CADM2: variants seen among roughly 807,000 people sequenced by gnomAD.
CADM2 encodes cell adhesion molecule 2.
A neutral mutation model predicts 49.8 loss-of-function variants in CADM2; 12 were observed. That is an observed-to-expected ratio of 0.24 (90% CI 0.15 to 0.39). The LOEUF is 0.39. Ranked by LOEUF, CADM2 falls within the 10% of genes least tolerant of loss-of-function variation. The pLI is 1.00. For missense variants in CADM2, 378 were observed against 492.3 expected (o/e 0.77, Z 2.20); for synonymous variants, 214 against 175.4 (o/e 1.22, Z -1.74).
At chr3:85,572,224 G>T (rs949520627) in intron 1 of CADM2, among the ~76,000 whole-genome samples, 9 of 152,164 alleles carry the variant, frequency 5.9e-5, no homozygotes, top group African/African-American at 2.2e-4. Flanking sequence ...TTGAACCCAG[G>T]AGGCGGAGGT....
At chr3:85,554,908 GTC>G (rs1432635626) in intron 1 of CADM2, among the ~76,000 whole-genome samples, 1 of 143,606 alleles carries the variant, frequency 7.0e-6, no homozygotes, top group Non-Finnish European at 1.5e-5. Context: ...TGCAGACTGT[GTC>G]TCACTTTGTT....
intron 1 of CADM2, among the ~76,000 whole-genome samples, chr3:85,191,381 G>A (rs191457941): frequency 1.5e-4 from 23 of 151,986 alleles, no homozygotes; most frequent in East Asian, 3.9e-4. Flanking sequence ...TGTAGGAAAC[G>A]TTTATTAACA....
At chr3:85,959,982 G>T (rs1015574012) in intron 7 of CADM2, among the ~76,000 whole-genome samples, 2 of 151,842 alleles carry the variant, frequency 1.3e-5, no homozygotes, top group Non-Finnish European at 2.9e-5. Context: ...ACTCTTGCAA[G>T]GGTAAGAAGC....
At chr3:85,686,291 T>G (rs1487004454) in intron 1 of CADM2, among the ~76,000 whole-genome samples, 2 of 152,220 alleles carry the variant, frequency 1.3e-5, no homozygotes, top group Admixed American at 6.5e-5. Context: ...CCTGTCAACA[T>G]TAATCATGTA....
chr3:84,991,482 A>C (rs1345505679), intron 1 of CADM2, among the ~76,000 whole-genome samples: 2 of 152,190 alleles, frequency 1.3e-5, no homozygotes, highest in African/African-American at 4.8e-5. Context: ...TTGATAAACA[A>C]AATCAATAAC....
At chr3:84,994,924 G>A (rs2033095037) in intron 1 of CADM2, among the ~76,000 whole-genome samples, 1 of 152,010 alleles carries the variant, frequency 6.6e-6, no homozygotes, top group African/African-American at 2.4e-5. Flanking sequence ...CTACTTGGGA[G>A]GCTGAGGCAG....
intron 1 of CADM2, among the ~76,000 whole-genome samples, chr3:85,426,752 T>G (rs1469618902): frequency 6.6e-6 from 1 of 152,146 alleles, no homozygotes; most frequent in Admixed American, 6.6e-5. Flanking sequence ...AAAATTTCCA[T>G]ATGTTTCTGT....
intron 3 of CADM2, among the ~76,000 whole-genome samples, chr3:85,850,844 C>T (rs527770538): frequency 1.3e-5 from 2 of 152,056 alleles, no homozygotes; most frequent in African/African-American, 2.4e-5. Flanking sequence ...ATGTTTTGTG[C>T]GTGGTTGGTT....
intron 1 of CADM2, among the ~76,000 whole-genome samples, chr3:85,695,210 G>A (rs945392465): frequency 6.6e-6 from 1 of 152,026 alleles, no homozygotes; most frequent in African/African-American, 2.4e-5. Flanking sequence ...TATCTTTAGG[G>A]ATACAAGTGG....
At chr3:85,274,247 C>T (rs1453904586) in intron 1 of CADM2, among the ~76,000 whole-genome samples, 1 of 151,136 alleles carries the variant, frequency 6.6e-6, no homozygotes, top group Admixed American at 6.6e-5. Context: ...TAATATTTGG[C>T]TAGTGAGGTG....
At chr3:85,219,892 T>A (rs1008457527) in intron 1 of CADM2, among the ~76,000 whole-genome samples, 2 of 152,106 alleles carry the variant, frequency 1.3e-5, no homozygotes, top group Non-Finnish European at 2.9e-5. Context: ...TGCATACAAT[T>A]TGAGGCACAT....
chr3:85,376,907 A>G (rs2033624141), intron 1 of CADM2, among the ~76,000 whole-genome samples: 1 of 152,142 alleles, frequency 6.6e-6, no homozygotes, highest in African/African-American at 2.4e-5. Flanking sequence ...TGTGTTTTAA[A>G]TATCATGGAT....
intron 3 of CADM2, among the ~76,000 whole-genome samples, chr3:85,879,962 G>T (rs748801246): frequency 6.6e-6 from 1 of 152,128 alleles, no homozygotes; most frequent in Non-Finnish European, 1.5e-5. Context: ...GAACCACAGG[G>T]ATTCCTTCTT....
intron 1 of CADM2, among the ~76,000 whole-genome samples, chr3:85,121,765 C>T (rs545027638): frequency 6.6e-6 from 1 of 152,164 alleles, no homozygotes; most frequent in Non-Finnish European, 1.5e-5. Flanking sequence ...TCCCTAACTA[C>T]AGTAGTCATT....
intron 1 of CADM2, among the ~76,000 whole-genome samples, chr3:85,091,117 C>G (rs768169437): frequency 1.3e-5 from 2 of 152,120 alleles, no homozygotes; most frequent in South Asian, 4.1e-4. Flanking sequence ...ACATATTAAG[C>G]TTTAAAACAT....
chr3:86,005,111 A>G (rs142966152), intron 8 of CADM2, among the ~76,000 whole-genome samples: 24 of 152,320 alleles, frequency 1.6e-4, no homozygotes, highest in African/African-American at 5.5e-4. Context: ...ACTTGTAGAT[A>G]TAAGACTCTG....
chr3:85,124,439 C>A (rs538953229), intron 1 of CADM2, among the ~76,000 whole-genome samples: 23 of 151,990 alleles, frequency 1.5e-4, no homozygotes, highest in African/African-American at 5.1e-4. Context: ...TCCATCTCTA[C>A]CAATTTTTTT....
chr3:85,983,436 C>T (rs1727704684), intron 8 of CADM2, among the ~76,000 whole-genome samples: 1 of 151,562 alleles, frequency 6.6e-6, no homozygotes, highest in South Asian at 2.1e-4. Context: ...GTTTGACCTT[C>T]GACGGTGCAC....
intron 1 of CADM2, among the ~76,000 whole-genome samples, chr3:84,988,683 T>A (rs1012047666): frequency 3.3e-5 from 5 of 152,198 alleles, no homozygotes; most frequent in Admixed American, 2.6e-4. Context: ...GTAAAACTTA[T>A]GTTTAATTGA....
Sources: allele counts gnomAD v4.1 joint callset (sites outside exome capture counted in the v4.1 genomes callset), GRCh38; gene constraint gnomAD v4.1.1; transcripts MANE v1.5; gene names NCBI Gene and HGNC (gene_info 2026-07-23, HGNC 2026-07-21).